CTNNA3: variants seen among roughly 807,000 people sequenced by gnomAD.
CTNNA3 encodes the protein catenin alpha 3.
A neutral mutation model predicts 95.7 loss-of-function variants in CTNNA3; 76 were observed. That is an observed-to-expected ratio of 0.79 (90% confidence interval 0.66 to 0.96). CTNNA3 has a LOEUF of 0.96. CTNNA3 is among the 40% of genes least tolerant of loss of function. The probability of loss-of-function intolerance (pLI) is 0.00; values close to 1 mark genes in which losing one functional copy is unlikely to be tolerated. For missense variants in CTNNA3, 1,191 were observed against 1,089.8 expected (o/e 1.09, Z -1.31); for synonymous variants, 431 against 374.4 (o/e 1.15, Z -1.74).
chr10:66,905,364 C>T (rs1845941312), intron 7 of CTNNA3, among the ~76,000 whole-genome samples: 1 of 151,982 alleles, frequency 6.6e-6, no homozygotes, highest in African/African-American at 2.4e-5. Context: ...ACTCTGGGGC[C>T]TATTGGGGGT....
intron 7 of CTNNA3, among the ~76,000 whole-genome samples, chr10:66,980,898 T>C (rs932905812): frequency 3.9e-5 from 6 of 152,266 alleles, no homozygotes; most frequent in East Asian, 3.9e-4. Context: ...TTTTTCTTTT[T>C]CTTTCTTTTT....
intron 5 of CTNNA3, among the ~76,000 whole-genome samples, chr10:67,470,300 T>TAGTA (rs1847768398): frequency 1.3e-5 from 2 of 152,336 alleles, no homozygotes; most frequent in East Asian, 3.9e-4. Context: ...TATGGCTGAA[T>TAGTA]AGTACTCCAT....
chr10:67,732,915 C>T (rs1319725652), intron 1 of CTNNA3, among the ~76,000 whole-genome samples: 2 of 135,266 alleles, frequency 1.5e-5, no homozygotes, highest in African/African-American at 3.0e-5. Flanking sequence ...CACACACATT[C>T]TCTCTCTCAA....
chr10:66,058,683 AG>A (rs1337784747), intron 15 of CTNNA3, among the ~76,000 whole-genome samples: 2 of 152,184 alleles, frequency 1.3e-5, no homozygotes, highest in Non-Finnish European at 2.9e-5. Flanking sequence ...TGAGTGCAAC[AG>A]GCCATGCTTA....
intron 5 of CTNNA3, among the ~76,000 whole-genome samples, chr10:67,470,781 TG>T (rs778912121): frequency 2.8e-4 from 42 of 152,054 alleles, no homozygotes; most frequent in Non-Finnish European, 5.2e-4. Context: ...TAAGATTTTT[TG>T]TCTTTTTCTT....
At chr10:66,863,263 T>G (rs1294858838) in intron 7 of CTNNA3, among the ~76,000 whole-genome samples, 6 of 151,870 alleles carry the variant, frequency 4.0e-5, no homozygotes, top group Non-Finnish European at 1.5e-5. Flanking sequence ...TTCATCCTAT[T>G]AGTTCTGTTT....
At chr10:66,199,498 T>C (rs2087179485) in intron 13 of CTNNA3, among the ~76,000 whole-genome samples, 1 of 151,824 alleles carries the variant, frequency 6.6e-6, no homozygotes, top group South Asian at 2.1e-4. Flanking sequence ...CAGTGCTATG[T>C]ATGTATGGTC....
intron 13 of CTNNA3, among the ~76,000 whole-genome samples, chr10:66,122,170 G>A (rs2082612891): frequency 6.6e-6 from 1 of 151,950 alleles, no homozygotes; most frequent in South Asian, 2.1e-4. Flanking sequence ...AAAATCAAAA[G>A]GAAATATAAA....
Position 66,868,915 on chromosome 10 carries a change from A to C in CTNNA3, c.1048-93391T>G, listed in dbSNP as rs547993114. ...GAGCTCATAGGAGTTTTAAAATGCT[A>C]GAAGAAACAGAAAAACTTTTCTGGA... On this transcript the variant is annotated intron_variant, in intron 7 of 17. Coordinates refer to ENST00000433211, the MANE Select transcript of CTNNA3 (RefSeq NM_013266.4). Among the ~76,000 whole-genome samples, 29 of 152,330 alleles carry C rather than the reference A, an allele frequency of 1.9e-4. No individual in the cohort carries two copies. The East Asian group carries it at 4.2e-3, about 22-fold the overall frequency.
At chr10:67,750,473 C>A in intron 1 of CTNNA3, 1 of 1,523,164 alleles carries the variant, frequency 6.6e-7, no homozygotes, top group Non-Finnish European at 9.1e-7. Context: ...AGAGAAGATC[C>A]AAGAGAAGGC....
At chr10:66,773,985 T>A (rs2132816687) in intron 8 of CTNNA3, among the ~76,000 whole-genome samples, 1 of 152,356 alleles carries the variant, frequency 6.6e-6, no homozygotes, top group Non-Finnish European at 1.5e-5. Flanking sequence ...ATGTTTGTTG[T>A]TAATCTGAAA....
intron 5 of CTNNA3, among the ~76,000 whole-genome samples, chr10:67,502,295 C>A (rs192265083): frequency 2.6e-5 from 4 of 152,166 alleles, no homozygotes; most frequent in Non-Finnish European, 4.4e-5. Context: ...GAATCACCAG[C>A]GGAGGCTGCA....
chr10:67,653,311 C>G (rs1438176755), intron 1 of CTNNA3, among the ~76,000 whole-genome samples: 1 of 152,222 alleles, frequency 6.6e-6, no homozygotes, highest in Non-Finnish European at 1.5e-5. Flanking sequence ...AGTCCAATCA[C>G]TCCACACCAG....
intron 10 of CTNNA3, among the ~76,000 whole-genome samples, chr10:66,592,555 A>T (rs939000680): frequency 3.9e-5 from 6 of 152,160 alleles, no homozygotes; most frequent in Admixed American, 2.6e-4. Context: ...TAGAATGCAT[A>T]TGGGGAGTCA....
At chr10:66,743,774 G>C (rs1371873777) in intron 9 of CTNNA3, among the ~76,000 whole-genome samples, 1 of 151,952 alleles carries the variant, frequency 6.6e-6, no homozygotes, top group Non-Finnish European at 1.5e-5. Flanking sequence ...TCAAGAGATG[G>C]AGACCATCCT....
At chr10:66,963,856 T>C (rs1332345348) in intron 7 of CTNNA3, among the ~76,000 whole-genome samples, 1 of 151,952 alleles carries the variant, frequency 6.6e-6, no homozygotes, top group East Asian at 1.9e-4. Context: ...TTTTTTTTTT[T>C]TTTTTAAGAT....
intron 10 of CTNNA3, among the ~76,000 whole-genome samples, chr10:66,620,259 A>C (rs1422799583): frequency 6.6e-6 from 1 of 152,160 alleles, no homozygotes; most frequent in Non-Finnish European, 1.5e-5. Context: ...AGTTCTTCAA[A>C]TCTTCTGTGA....
chr10:67,031,677 C>T (rs763453018), intron 7 of CTNNA3, among the ~76,000 whole-genome samples: 2 of 152,118 alleles, frequency 1.3e-5, no homozygotes, highest in Non-Finnish European at 2.9e-5. Context: ...TCAGAATTAA[C>T]AAATTGAAAT....
intron 9 of CTNNA3, among the ~76,000 whole-genome samples, chr10:66,674,653 T>G (rs1846784534): frequency 6.6e-6 from 1 of 152,072 alleles, no homozygotes; most frequent in Admixed American, 6.6e-5. Flanking sequence ...CTGTAATATC[T>G]ATATTTCATT....
Sources: gnomAD v4.1 joint callset for allele counts (sites outside exome capture counted in the v4.1 genomes callset) on GRCh38, gnomAD v4.1.1 for gene constraint, MANE v1.5 for transcripts, NCBI Gene and HGNC (gene_info 2026-07-23, HGNC 2026-07-21) for gene names.